RBMS3: variants seen among roughly 807,000 people sequenced by gnomAD.
RBMS3 encodes RNA binding motif single stranded interacting protein 3.
Under a neutral mutation model 66.8 loss-of-function variants are expected in RBMS3, and 27 were observed. That is an observed-to-expected ratio of 0.40 (90% CI 0.30 to 0.56). The LOEUF is 0.56. RBMS3 is among the 20% of genes least tolerant of loss of function. RBMS3 has a pLI of 0.40. For missense variants in RBMS3, 513 were observed against 549.5 expected (o/e 0.93, Z 0.66); for synonymous variants, 188 against 183.0 (o/e 1.03, Z -0.22).
At chr3:29,664,333 C>A (rs909485126) in intron 4 of RBMS3, among the ~76,000 whole-genome samples, 1 of 151,998 alleles carries the variant, frequency 6.6e-6, no homozygotes, top group African/African-American at 2.4e-5. Context: ...ACTAAAAATA[C>A]AAAAATTAGC....
chr3:29,815,735 G>A (rs1387924358), intron 6 of RBMS3, among the ~76,000 whole-genome samples: 5 of 151,948 alleles, frequency 3.3e-5, no homozygotes. Flanking sequence ...GCTAAGCTAT[G>A]AGGATGCAAA....
intron 1 of RBMS3, among the ~76,000 whole-genome samples, chr3:29,296,628 T>C (rs1236019795): frequency 6.6e-6 from 1 of 151,816 alleles, no homozygotes; most frequent in East Asian, 1.9e-4. Context: ...ATTTAATATG[T>C]GATGCTGGGA....
chr3:29,854,872 T>C (rs2059031420), intron 6 of RBMS3, among the ~76,000 whole-genome samples: 1 of 152,194 alleles, frequency 6.6e-6, no homozygotes, highest in Middle Eastern at 3.2e-3. Context: ...ATAGAGCCTT[T>C]GAACTCTCTT....
chr3:29,635,202 C>T (rs538895130), intron 4 of RBMS3, among the ~76,000 whole-genome samples: 1 of 151,906 alleles, frequency 6.6e-6, no homozygotes, highest in South Asian at 2.1e-4. Flanking sequence ...AAATCTTTCT[C>T]TCATTCCAGT....
intron 3 of RBMS3, among the ~76,000 whole-genome samples, chr3:29,544,699 A>ATGTGTGTGTGTGTGTGTG (rs138879910): frequency 0.01 from 1,568 of 150,752 alleles, 14 homozygotes; most frequent in South Asian, 0.026. Context: ...TGAAATGTAA[A>ATGTGTGTGTGTGTGTGTG]TGTGTGTGTG....
At chr3:29,959,023 C>T (rs573215804) in intron 12 of RBMS3, among the ~76,000 whole-genome samples, 6 of 152,174 alleles carry the variant, frequency 3.9e-5, no homozygotes, top group South Asian at 2.1e-4. Context: ...TACAAGAATT[C>T]GACTGCTCAA....
intron 2 of RBMS3, among the ~76,000 whole-genome samples, chr3:29,439,333 T>TG (rs2041523701): frequency 6.6e-6 from 1 of 152,196 alleles, no homozygotes; most frequent in Non-Finnish European, 1.5e-5. Flanking sequence ...TACGGAGAAG[T>TG]GATCCTCTGA....
At chr3:29,837,552 G>A (rs2058544765) in intron 6 of RBMS3, among the ~76,000 whole-genome samples, 4 of 150,660 alleles carry the variant, frequency 2.7e-5, no homozygotes, top group African/African-American at 9.7e-5. Context: ...CTCCCCGTCT[G>A]TATTGAGCTG....
chr3:29,762,367 G>T (rs2055727213), intron 5 of RBMS3, among the ~76,000 whole-genome samples: 2 of 152,124 alleles, frequency 1.3e-5, no homozygotes, highest in African/African-American at 4.8e-5. Context: ...CCTTTAGGCT[G>T]CAAGCCATGC....
chr3:29,289,640 A>G (rs2032657847), intron 1 of RBMS3, among the ~76,000 whole-genome samples: 1 of 151,910 alleles, frequency 6.6e-6, no homozygotes, highest in African/African-American at 2.4e-5. Context: ...TGTTTCATGA[A>G]TGATAAATAC....
At chr3:29,976,647 C>G (rs777317039) in intron 12 of RBMS3, among the ~76,000 whole-genome samples, 6 of 152,072 alleles carry the variant, frequency 3.9e-5, no homozygotes, top group Non-Finnish European at 7.4e-5. Context: ...ATCTCCTCCT[C>G]TCTGTGCATG....
intron 4 of RBMS3, among the ~76,000 whole-genome samples, chr3:29,596,085 A>C (rs747449825): frequency 2.0e-5 from 3 of 152,214 alleles, no homozygotes; most frequent in Non-Finnish European, 4.4e-5. Flanking sequence ...CTATCTTTCC[A>C]TAAGAAAGTA....
At chr3:29,574,593 G>A (rs376395439) in intron 3 of RBMS3, among the ~76,000 whole-genome samples, 27 of 151,920 alleles carry the variant, frequency 1.8e-4, no homozygotes, top group African/African-American at 4.3e-4. Flanking sequence ...TATTCTTTCC[G>A]TTTTGCTATT....
At chr3:29,445,525 C>T (rs189283681) in intron 2 of RBMS3, among the ~76,000 whole-genome samples, 118 of 152,032 alleles carry the variant, frequency 7.8e-4, no homozygotes, top group Non-Finnish European at 1.4e-3. Flanking sequence ...AAGTTGGACT[C>T]GTTGAATGGT....
chr3:29,352,473 A>G (rs2036973740), intron 1 of RBMS3, among the ~76,000 whole-genome samples: 1 of 152,076 alleles, frequency 6.6e-6, no homozygotes, highest in Admixed American at 6.6e-5. Context: ...TAACTGATAC[A>G]TGATACATAT....
intron 2 of RBMS3, among the ~76,000 whole-genome samples, chr3:29,475,738 G>T (rs1297169664): frequency 6.6e-6 from 1 of 152,124 alleles, no homozygotes; most frequent in East Asian, 1.9e-4. Flanking sequence ...TAAGTACAAA[G>T]ATTCATAGTC....
At chr3:29,986,833 C>T (rs1020851457) in intron 12 of RBMS3, among the ~76,000 whole-genome samples, 1 of 152,100 alleles carries the variant, frequency 6.6e-6, no homozygotes, top group African/African-American at 2.4e-5. Context: ...CTCTCAGCTA[C>T]TGGGGAAGCT....
chr3:29,879,809 A>AT (rs923419581), intron 7 of RBMS3, among the ~76,000 whole-genome samples: 7 of 152,138 alleles, frequency 4.6e-5, no homozygotes, highest in East Asian at 1.9e-4. Flanking sequence ...TAAAAAAAAA[A>AT]AATAATTCAG....
At chr3:29,565,653 T>C (rs2046715768) in intron 3 of RBMS3, among the ~76,000 whole-genome samples, 2 of 152,192 alleles carry the variant, frequency 1.3e-5, no homozygotes, top group Non-Finnish European at 2.9e-5. Flanking sequence ...CTTAAAATCC[T>C]ATAGCATAAA....
Sources: allele counts gnomAD v4.1 joint callset (sites outside exome capture counted in the v4.1 genomes callset), GRCh38; gene constraint gnomAD v4.1.1; transcripts MANE v1.5; gene names NCBI Gene and HGNC (gene_info 2026-07-23, HGNC 2026-07-21).